Variants in CIROZ observed in about 807,000 individuals in gnomAD.
CIROZ encodes the protein ciliated left-right organizer protein containing ZP-N domains.
At chr1:10,976,907 A>G in the CIROZ span, among the ~76,000 whole-genome samples, 3 of 152,150 alleles carry the variant, frequency 2.0e-5, no homozygotes, top group Non-Finnish European at 4.4e-5. Flanking sequence ...TGTAATCCCA[A>G]CACTTTGGGA....
chr1:10,964,099 C>A, the CIROZ span: 1 of 1,607,504 alleles, frequency 6.2e-7, no homozygotes, highest in African/African-American at 1.3e-5. Context: ...GGTCCCTCTG[C>A]CACCTCCCAG....
the CIROZ span, among the ~76,000 whole-genome samples, chr1:10,976,912 T>C: frequency 6.6e-6 from 1 of 152,028 alleles, no homozygotes; most frequent in South Asian, 2.1e-4. Context: ...TCCCAACACT[T>C]TGGGATGCTG....
the CIROZ span, chr1:10,953,944 C>G: frequency 2.0e-6 from 3 of 1,512,334 alleles, no homozygotes; most frequent in Non-Finnish European, 2.7e-6. Flanking sequence ...AGAAAGAACC[C>G]CAGGGCCAAG....
chr1:10,948,264 C>G, the CIROZ span: 2 of 1,613,974 alleles, frequency 1.2e-6, no homozygotes, highest in Non-Finnish European at 1.7e-6. Context: ...CTGGCGTGGC[C>G]TCTCCACCTC....
the CIROZ span, chr1:10,949,762 G>T: frequency 6.3e-7 from 1 of 1,582,530 alleles, no homozygotes; most frequent in Non-Finnish European, 8.6e-7. Flanking sequence ...GGGATGGTGG[G>T]GAGGGAGTGG....
the CIROZ span, chr1:10,958,644 C>G: frequency 8.9e-6 from 14 of 1,572,300 alleles, no homozygotes; most frequent in Middle Eastern, 1.7e-4. Flanking sequence ...TCAGAGCATC[C>G]TGAGCACCCA....
the CIROZ span, chr1:10,954,948 A>G: frequency 1.3e-6 from 2 of 1,549,866 alleles, no homozygotes; most frequent in Non-Finnish European, 1.8e-6. Context: ...GAAGGGCCTC[A>G]GGAAGAGAAG....
At chr1:10,977,318 T>C in the CIROZ span, among the ~76,000 whole-genome samples, 15 of 152,058 alleles carry the variant, frequency 9.9e-5, no homozygotes, top group Admixed American at 9.8e-4. Context: ...ACCCCGTCTC[T>C]ACTAAAATAC....
the CIROZ span, among the ~76,000 whole-genome samples, chr1:10,961,113 G>A: frequency 7.9e-5 from 12 of 152,374 alleles, no homozygotes; most frequent in Admixed American, 7.2e-4. Flanking sequence ...GCGCCCGAGT[G>A]AGGAGTCGTT....
the CIROZ span, among the ~76,000 whole-genome samples, chr1:10,973,623 G>T: frequency 6.6e-6 from 1 of 152,180 alleles, no homozygotes; most frequent in African/African-American, 2.4e-5. Context: ...ACTGGCTGCA[G>T]CAGGGAGGTG....
At chr1:10,981,948 A>G in the CIROZ span, 427 of 1,527,014 alleles carry the variant, frequency 2.8e-4, no homozygotes, top group African/African-American at 5.2e-3. Context: ...TGGCTTCTTC[A>G]AGGAGTGTGG....
chr1:10,949,797 G>T, the CIROZ span: 75 of 1,565,320 alleles, frequency 4.8e-5, 3 homozygotes, highest in Middle Eastern at 6.7e-4. Flanking sequence ...GTTGAGGCAG[G>T]CGACTCTGTT....
At chr1:10,970,002 C>A in the CIROZ span, 2 of 1,537,090 alleles carry the variant, frequency 1.3e-6, no homozygotes, top group Non-Finnish European at 1.7e-6. Context: ...CAGCCACCGC[C>A]TCAGCCCCTC....
the CIROZ span, chr1:10,948,577 G>A: frequency 1.9e-6 from 3 of 1,614,074 alleles, no homozygotes; most frequent in African/African-American, 1.3e-5. Context: ...GGGGCTGGCG[G>A]TGAAGGAGAG....
At chr1:10,956,631 A>G in the CIROZ span, among the ~76,000 whole-genome samples, 15 of 151,468 alleles carry the variant, frequency 9.9e-5, no homozygotes. Context: ...CCCCGCCACC[A>G]CGCCCGGCTA....
the CIROZ span, chr1:10,948,873 A>G: frequency 6.8e-7 from 1 of 1,470,384 alleles, no homozygotes; most frequent in Non-Finnish European, 9.0e-7. Context: ...GGAGAGAGAA[A>G]AAGCATTAGA....
chr1:10,953,550 G>A, the CIROZ span, among the ~76,000 whole-genome samples: 1 of 152,210 alleles, frequency 6.6e-6, no homozygotes, highest in Non-Finnish European at 1.5e-5. Flanking sequence ...CAAATGACCG[G>A]AGGAACTGGA....
At chr1:10,966,377 G>A in the CIROZ span, 27 of 1,535,576 alleles carry the variant, frequency 1.8e-5, no homozygotes, top group Non-Finnish European at 2.4e-5. Context: ...CACAAAGCAG[G>A]CCGAGTATTG....
At chr1:10,953,943 C>A in the CIROZ span, 2 of 1,510,804 alleles carry the variant, frequency 1.3e-6, no homozygotes, top group East Asian at 4.9e-5. Context: ...AAGAAAGAAC[C>A]CCAGGGCCAA....
Sources: allele counts gnomAD v4.1 joint callset (sites outside exome capture counted in the v4.1 genomes callset), GRCh38; gene constraint gnomAD v4.1.1; transcripts MANE v1.5; gene names NCBI Gene and HGNC (gene_info 2026-07-23, HGNC 2026-07-21).